Variants in UVRAG observed in about 807,000 individuals in gnomAD.
UVRAG encodes the protein UV radiation resistance associated.
UVRAG carries 19 observed loss-of-function variants against 78.0 expected under a neutral mutation model. That is an observed-to-expected ratio of 0.24 (90% CI 0.17 to 0.36). The LOEUF is 0.36. Ranked by LOEUF, UVRAG falls within the 10% of genes least tolerant of loss-of-function variation. The pLI is 1.00. For synonymous variants in UVRAG, 323 were observed against 324.6 expected, an observed-to-expected ratio of 1.00 and a Z score of 0.05; for missense variants, 740 against 853.8, an observed-to-expected ratio of 0.87 and a Z score of 1.66.
chr11:76,013,761 T>G (rs1950095709), intron 11 of UVRAG, among the ~76,000 whole-genome samples: 2 of 152,204 alleles, frequency 1.3e-5, no homozygotes, highest in African/African-American at 4.8e-5. Context: ...GTGATGAAAG[T>G]GACTTCCCTA....
intron 1 of UVRAG, among the ~76,000 whole-genome samples, chr11:75,849,150 C>T (rs1195402568): frequency 6.6e-6 from 1 of 152,028 alleles, no homozygotes; most frequent in Non-Finnish European, 1.5e-5. Flanking sequence ...TGCACTCCAG[C>T]CTGGGCGAGA....
chr11:76,112,604 G>A (rs1288252747), intron 13 of UVRAG, among the ~76,000 whole-genome samples: 1 of 152,202 alleles, frequency 6.6e-6, no homozygotes, highest in Non-Finnish European at 1.5e-5. Flanking sequence ...CAGTTCAGTT[G>A]AAGCAGAGAG....
intron 1 of UVRAG, among the ~76,000 whole-genome samples, chr11:75,846,008 G>C (rs890841529): frequency 6.6e-6 from 1 of 152,074 alleles, no homozygotes; most frequent in Non-Finnish European, 1.5e-5. Flanking sequence ...TAATTACTCC[G>C]AATGTTTTTA....
chr11:76,124,659 G>A (rs73498302), intron 14 of UVRAG, among the ~76,000 whole-genome samples: 18,739 of 152,238 alleles, frequency 0.12, 2,911 homozygotes, highest in African/African-American at 0.37. Context: ...AACAAACACC[G>A]GTGTTTAATG....
intron 12 of UVRAG, among the ~76,000 whole-genome samples, chr11:76,055,771 A>G (rs1950970622): frequency 6.6e-6 from 1 of 152,064 alleles, no homozygotes; most frequent in Non-Finnish European, 1.5e-5. Flanking sequence ...GTCCAGTGGC[A>G]GGATCTCGGC....
intron 8 of UVRAG, among the ~76,000 whole-genome samples, chr11:75,988,931 G>A (rs998095926): frequency 3.9e-5 from 6 of 152,096 alleles, no homozygotes; most frequent in African/African-American, 9.7e-5. Context: ...GGATGGTAAC[G>A]TTATTATTAA....
intron 13 of UVRAG, among the ~76,000 whole-genome samples, chr11:76,099,674 A>T (rs950813043): frequency 3.5e-4 from 54 of 152,140 alleles, no homozygotes; most frequent in African/African-American, 1.3e-3. Flanking sequence ...TTTTCTTCAT[A>T]TAGATCTTGC....
At chr11:75,950,473 A>C (rs72999575) in intron 6 of UVRAG, among the ~76,000 whole-genome samples, 8,405 of 152,142 alleles carry the variant, frequency 0.055, 295 homozygotes, top group East Asian at 0.17. Context: ...GGCTGATCTC[A>C]AACTCCTGAT....
rs558399620 is a variant in UVRAG, at chr11:76,115,853, T to C, written c.1306-71T>C. ...TTTTAGAGTTCAAAAAAATAACTTGTTTAGTGGTTCATTTTTCCGAAGCTT... is the reference window on the plus strand; with the variant it reads ...TTTTAGAGTTCAAAAAAATAACTTGCTTAGTGGTTCATTTTTCCGAAGCTT... On this transcript the variant is annotated intron_variant, in intron 13 of 14. Transcript: ENST00000356136. The C allele has an allele frequency of 1.7e-5, 23 of 1,370,200 alleles. No individual in the cohort carries two copies. In the East Asian group the frequency reaches 4.5e-4, roughly 27 times the overall value. 84.9% of individuals were successfully genotyped at this position (1,370,200 alleles called of 1,614,324 possible). A position where few individuals can be genotyped will look rare whatever the true frequency, so the allele number is the denominator to read the frequency against.
intron 5 of UVRAG, 83 bp downstream of exon 5, chr11:75,888,986 A>G (rs767576796): frequency 2.6e-6 from 3 of 1,133,666 alleles, no homozygotes; most frequent in Non-Finnish European, 3.7e-6. Context: ...AATCCTGAAA[A>G]CTCTGTGTAA....
intron 5 of UVRAG, among the ~76,000 whole-genome samples, chr11:75,895,631 G>GT (rs556320233): frequency 0.079 from 11,053 of 140,354 alleles, 600 homozygotes; most frequent in African/African-American, 0.17. Context: ...GTGGCACTCT[G>GT]TTTTTTTTTT....
intron 4 of UVRAG, among the ~76,000 whole-genome samples, chr11:75,887,203 CG>C (rs2134920495): frequency 6.8e-6 from 1 of 148,126 alleles, no homozygotes; most frequent in Admixed American, 6.7e-5. Flanking sequence ...TGGAGTGCAG[CG>C]GCGTGCTCTC....
At chr11:76,097,674 A>G (rs1056641022) in intron 13 of UVRAG, among the ~76,000 whole-genome samples, 1 of 152,168 alleles carries the variant, frequency 6.6e-6, no homozygotes, top group African/African-American at 2.4e-5. Context: ...AAGGGGTTCA[A>G]TATCTATTGA....
At chr11:76,023,285 A>G (rs895686574) in intron 12 of UVRAG, among the ~76,000 whole-genome samples, 2 of 152,156 alleles carry the variant, frequency 1.3e-5, no homozygotes, top group Non-Finnish European at 1.5e-5. Context: ...TAGGCCCTTC[A>G]GGTTTTTTCT....
chr11:75,880,928 CTTTTTTTTTT>C (rs773034018), intron 4 of UVRAG, among the ~76,000 whole-genome samples: 7 of 87,708 alleles, frequency 8.0e-5, no homozygotes, highest in Admixed American at 2.6e-4. Flanking sequence ...TTATTTACTT[CTTTTTTTTTT>C]TTTTTTTTTT....
intron 4 of UVRAG, among the ~76,000 whole-genome samples, chr11:75,888,167 T>C (rs1289482252): frequency 2.0e-5 from 3 of 152,156 alleles, no homozygotes; most frequent in Non-Finnish European, 1.5e-5. Flanking sequence ...GAGGTTGTGC[T>C]CCCTCACCCA....
At chr11:75,903,669 A>T (rs750467983) in intron 5 of UVRAG, among the ~76,000 whole-genome samples, 56 of 152,204 alleles carry the variant, frequency 3.7e-4, no homozygotes, top group Non-Finnish European at 6.9e-4. Context: ...ACTGCAGCAG[A>T]ACTCCTGTAG....
intron 7 of UVRAG, among the ~76,000 whole-genome samples, chr11:75,964,168 G>T (rs897416626): frequency 6.6e-6 from 1 of 152,164 alleles, no homozygotes. Flanking sequence ...TAAAGAAATT[G>T]TGCATATGTA....
chr11:76,093,290 G>A lies in UVRAG; in HGVS notation c.1306-22634G>A, dbSNP rs139765008. On this transcript the variant is annotated intron_variant, in intron 13 of 14. Coordinates refer to ENST00000356136, the MANE Select transcript of UVRAG (RefSeq NM_003369.4). ...GTAGTGTAGTTTGGAGTCAGGTAGC[G>A]TGATGCCTCCAGCTTTGTTCTTTTC... Among the ~76,000 whole-genome samples, 795 of 152,262 alleles carry A rather than the reference G, an allele frequency of 5.2e-3. 10 individuals carry two copies. The highest frequency in any genetic ancestry group is 0.018 in the African/African-American group (748 of 41,534).
Sources: gnomAD v4.1 joint callset for allele counts (sites outside exome capture counted in the v4.1 genomes callset) on GRCh38, gnomAD v4.1.1 for gene constraint, MANE v1.5 for transcripts, NCBI Gene and HGNC (gene_info 2026-07-23, HGNC 2026-07-21) for gene names.